The following NALF1 variants were observed in gnomAD, a reference collection of about 807,000 sequenced individuals.
The protein encoded by NALF1 is family with sequence similarity 155 member A.
In NALF1, 3 loss-of-function variants were observed where a neutral mutation model predicts 48.4. The ratio of observed to expected loss-of-function variants is 0.06; its 90% CI spans 0.03 to 0.16. The LOEUF is 0.16. Among genes scored for constraint, NALF1 ranks in the 10% least tolerant of loss-of-function variants. The pLI, the probability that NALF1 is intolerant of heterozygous loss-of-function variation, is 1.00. For missense variants in NALF1, 526 were observed against 571.5 expected, an observed-to-expected ratio of 0.92 and a Z score of 0.81; for synonymous variants, 262 against 245.7, an observed-to-expected ratio of 1.07 and a Z score of -0.62.
chr13:107,434,377 CTA>C (rs1011514854), intron 1 of NALF1, among the ~76,000 whole-genome samples: 1 of 152,170 alleles, frequency 6.6e-6, no homozygotes, highest in Non-Finnish European at 1.5e-5. Flanking sequence ...TTTTCTCTAT[CTA>C]TCCATAAAGA....
At chr13:107,509,956 G>A (rs1034245781) in intron 1 of NALF1, among the ~76,000 whole-genome samples, 18 of 152,062 alleles carry the variant, frequency 1.2e-4, no homozygotes, top group Non-Finnish European at 1.3e-4. Context: ...ACAGGTATGC[G>A]CCACCATGCC....
chr13:107,713,747 A>G (rs1268130667), intron 1 of NALF1, among the ~76,000 whole-genome samples: 1 of 152,210 alleles, frequency 6.6e-6, no homozygotes, highest in Non-Finnish European at 1.5e-5. Flanking sequence ...TATGTGCTAT[A>G]TATTTATCAG....
intron 1 of NALF1, among the ~76,000 whole-genome samples, chr13:107,276,694 T>C (rs1881288487): frequency 6.6e-6 from 1 of 152,122 alleles, no homozygotes; most frequent in East Asian, 1.9e-4. Context: ...AATTAAACTC[T>C]TTAGAGGAAA....
intron 1 of NALF1, among the ~76,000 whole-genome samples, chr13:107,257,489 G>T (rs1294190203): frequency 1.0e-4 from 10 of 100,264 alleles, no homozygotes; most frequent in Non-Finnish European, 2.0e-4. Flanking sequence ...TGTTTCTTCT[G>T]CTTTTTTTTT....
chr13:107,739,783 C>T (rs1272689199), intron 1 of NALF1, among the ~76,000 whole-genome samples: 2 of 152,160 alleles, frequency 1.3e-5, no homozygotes, highest in Non-Finnish European at 2.9e-5. Flanking sequence ...CCAGTGCTCA[C>T]ATTACCGCCT....
At chr13:107,386,610 A>G (rs1388886536) in intron 1 of NALF1, among the ~76,000 whole-genome samples, 1 of 152,172 alleles carries the variant, frequency 6.6e-6, no homozygotes, top group African/African-American at 2.4e-5. Context: ...GTGATCCTTG[A>G]CAATCACCTG....
At chr13:107,434,362 G>C (rs1289516576) in intron 1 of NALF1, among the ~76,000 whole-genome samples, 1 of 151,914 alleles carries the variant, frequency 6.6e-6, no homozygotes, top group African/African-American at 2.4e-5. Flanking sequence ...AAGTGAAGTG[G>C]GATCTTTTCT....
chr13:107,403,519 T>G (rs970175157), intron 1 of NALF1, among the ~76,000 whole-genome samples: 13 of 151,966 alleles, frequency 8.6e-5, no homozygotes, highest in Non-Finnish European at 1.3e-4. Flanking sequence ...AAGTACATAA[T>G]TCAACATTTC....
At chr13:107,240,439 G>C (rs1213840626) in intron 1 of NALF1, among the ~76,000 whole-genome samples, 1 of 152,186 alleles carries the variant, frequency 6.6e-6, no homozygotes, top group Admixed American at 6.5e-5. Flanking sequence ...CCTACAAAAT[G>C]AGTATGACAA....
rs547797058 is a variant in NALF1 at position 107,244,615 on chromosome 13, C to A, written c.916-33860G>T. Among the ~76,000 whole-genome samples the A allele has an allele frequency of 5.3e-5, 8 of 152,170 alleles. No homozygotes were observed. The East Asian group carries it at 1.5e-3, about 29-fold the overall frequency. Reference sequence around the variant, plus strand: ...TTTGAAGCTAATCTCTCAATTACCCCCTCCCTTTAGTCTGAGTAGTCCTAT... The same window carrying A: ...TTTGAAGCTAATCTCTCAATTACCCACTCCCTTTAGTCTGAGTAGTCCTAT... On this transcript the variant is annotated intron_variant, in intron 1 of 2. Transcript: ENST00000375915.
intron 1 of NALF1, among the ~76,000 whole-genome samples, chr13:107,828,148 G>A (rs968625470): frequency 6.6e-6 from 1 of 152,032 alleles, no homozygotes; most frequent in Non-Finnish European, 1.5e-5. Context: ...TTAAAGTGCC[G>A]GTAACACTTT....
chr13:107,762,418 A>G (rs1378891597), intron 1 of NALF1, among the ~76,000 whole-genome samples: 3 of 151,994 alleles, frequency 2.0e-5, no homozygotes, highest in African/African-American at 7.2e-5. Flanking sequence ...CTAGAACTTA[A>G]AGTATAATTT....
At chr13:107,529,240 T>C (rs1256137640) in intron 1 of NALF1, among the ~76,000 whole-genome samples, 2 of 152,138 alleles carry the variant, frequency 1.3e-5, no homozygotes, top group Non-Finnish European at 2.9e-5. Context: ...AAGGAATGGG[T>C]GAATACCTGC....
chr13:107,208,060 G>A (rs1879680924), intron 2 of NALF1, among the ~76,000 whole-genome samples: 1 of 152,190 alleles, frequency 6.6e-6, no homozygotes, highest in African/African-American at 2.4e-5. Context: ...TCACACCTTA[G>A]AAAAGAAGAT....
chr13:107,263,278 AC>A lies in NALF1; in HGVS notation c.916-52524del, dbSNP rs1191647396. 3.2e-3 allele frequency among the ~76,000 whole-genome samples: 490 copies of A among 151,866 alleles called. 1 individual carries two copies. The highest frequency in any genetic ancestry group is 4.7e-3 in the Non-Finnish European group (318 of 67,932). ...CACACACACACACACACACACACAC[AC>A]ACACACACACACATCTCAGTGGACT... is the stretch of plus-strand genomic sequence containing the variant. On this transcript the variant is annotated intron_variant, in intron 1 of 2. Transcript: ENST00000375915.
At chr13:107,583,533 T>C (rs1009459039) in intron 1 of NALF1, among the ~76,000 whole-genome samples, 1 of 152,174 alleles carries the variant, frequency 6.6e-6, no homozygotes, top group Admixed American at 6.5e-5. Flanking sequence ...ACTATTACAA[T>C]GGCTATTGTG....
intron 1 of NALF1, among the ~76,000 whole-genome samples, chr13:107,716,000 C>T (rs1198106342): frequency 6.6e-6 from 1 of 151,874 alleles, no homozygotes; most frequent in East Asian, 1.9e-4. Context: ...TTGCTAAGTT[C>T]GATGTATGGA....
chr13:107,864,185 T>A (rs898900733), intron 1 of NALF1, among the ~76,000 whole-genome samples: 2 of 152,160 alleles, frequency 1.3e-5, no homozygotes, highest in African/African-American at 4.8e-5. Context: ...GTGATATGGT[T>A]AAAAAAATAG....
chr13:107,442,035 T>C (rs940174002), intron 1 of NALF1, among the ~76,000 whole-genome samples: 4 of 152,270 alleles, frequency 2.6e-5, no homozygotes, highest in Admixed American at 6.5e-5. Context: ...AGAGCCAAAA[T>C]AGGATGGATT....
Sources: gnomAD v4.1 joint callset for allele counts (sites outside exome capture counted in the v4.1 genomes callset) on GRCh38, gnomAD v4.1.1 for gene constraint, MANE v1.5 for transcripts, NCBI Gene and HGNC (gene_info 2026-07-23, HGNC 2026-07-21) for gene names.